FAM53B: variants seen among roughly 807,000 people sequenced by gnomAD.
The protein encoded by FAM53B is protein FAM53B.
A neutral mutation model predicts 32.7 loss-of-function variants in FAM53B; 12 were observed. The ratio of observed to expected loss-of-function variants is 0.37; its 90% CI spans 0.24 to 0.59. The LOEUF is 0.59. Among genes scored for constraint, FAM53B ranks in the 20% least tolerant of loss-of-function variants. The pLI is 0.72. For missense variants in FAM53B, 477 were observed against 577.7 expected (o/e 0.83, Z 1.79); for synonymous variants, 234 against 228.7 (o/e 1.02, Z -0.21).
intron 1 of FAM53B, among the ~76,000 whole-genome samples, chr10:124,709,211 T>C (rs1283863026): frequency 3.9e-5 from 6 of 152,244 alleles, no homozygotes; most frequent in Non-Finnish European, 5.9e-5. Context: ...CCTGGCTATA[T>C]GATGGCCCAT....
chr10:124,657,334 C>T (rs183560050), intron 4 of FAM53B, among the ~76,000 whole-genome samples: 2 of 151,878 alleles, frequency 1.3e-5, no homozygotes, highest in Non-Finnish European at 2.9e-5. Flanking sequence ...GCAACAAATT[C>T]GTATTTCTTG....
intron 4 of FAM53B, among the ~76,000 whole-genome samples, chr10:124,629,252 AC>A (rs2134037143): frequency 6.6e-6 from 1 of 152,108 alleles, no homozygotes; most frequent in East Asian, 1.9e-4. Context: ...TGTAGTGCCC[AC>A]ATGAGGCTTC....
At chr10:124,635,401 A>T (rs1199473686) in intron 4 of FAM53B, among the ~76,000 whole-genome samples, 1 of 152,246 alleles carries the variant, frequency 6.6e-6, no homozygotes, top group Non-Finnish European at 1.5e-5. Flanking sequence ...CAATTATTTT[A>T]AAAGGGCAAA....
intron 1 of FAM53B, among the ~76,000 whole-genome samples, chr10:124,741,762 G>A (rs1015777605): frequency 1.3e-5 from 2 of 152,336 alleles, no homozygotes; most frequent in Admixed American, 6.5e-5. Context: ...CCACCACGGT[G>A]ACAATAAGGT....
chr10:124,648,214 G>A (rs1949532079), intron 4 of FAM53B, among the ~76,000 whole-genome samples: 1 of 152,248 alleles, frequency 6.6e-6, no homozygotes, highest in African/African-American at 2.4e-5. Flanking sequence ...AAGGCTCTGG[G>A]AGCGTCTGTT....
chr10:124,671,091 G>C (rs1949704834), intron 4 of FAM53B: 1 of 441,728 alleles, frequency 2.3e-6, no homozygotes, highest in African/African-American at 2.0e-5. Flanking sequence ...CTGGGGGACA[G>C]AGGCAGCCGT....
rs144314650 is a variant in FAM53B at position 124,702,632 on chromosome 10, C to T, written c.78+4004G>A. 2.3e-3 allele frequency among the ~76,000 whole-genome samples: 352 copies of T among 152,262 alleles called. 3 individuals are homozygous for T. Among genetic ancestry groups the T allele is most frequent in the African/African-American group, 8.2e-3 (341 of 41,542 alleles). ...CAGCCCCTCCCTGGGCTCTCTGAGC[C>T]ACAGTTTCCTTCCTGTATAATGGGG... is the stretch of plus-strand genomic sequence containing the variant. On this transcript the variant is annotated intron_variant, in intron 2 of 4. Coordinates refer to ENST00000337318, the MANE Select transcript of FAM53B (RefSeq NM_014661.4).
intron 4 of FAM53B, among the ~76,000 whole-genome samples, chr10:124,680,723 A>G (rs982553645): frequency 6.6e-6 from 1 of 152,180 alleles, no homozygotes; most frequent in Non-Finnish European, 1.5e-5. Context: ...GTTTATATAA[A>G]TAAGTCCAGA....
intron 2 of FAM53B, among the ~76,000 whole-genome samples, chr10:124,698,302 C>T (rs540662543): frequency 6.6e-6 from 1 of 152,272 alleles, no homozygotes; most frequent in Non-Finnish European, 1.5e-5. Flanking sequence ...CACTGAAGCA[C>T]CCCGCGTGCT....
At chr10:124,714,502 T>G (rs1261641945) in intron 1 of FAM53B, among the ~76,000 whole-genome samples, 1 of 152,188 alleles carries the variant, frequency 6.6e-6, no homozygotes, top group East Asian at 1.9e-4. Context: ...GGCTCACGCC[T>G]GTAATCCCAG....
intron 4 of FAM53B, among the ~76,000 whole-genome samples, chr10:124,666,391 A>G (rs1266319506): frequency 1.3e-5 from 2 of 152,132 alleles, no homozygotes; most frequent in East Asian, 3.9e-4. Context: ...TCACTTCCAG[A>G]GTGCTGGTAG....
chr10:124,723,895 G>A lies in FAM53B; in HGVS notation c.-174-17008C>T, dbSNP rs374841271. Among the ~76,000 whole-genome samples the A allele has an allele frequency of 2.6e-5, 4 of 152,232 alleles. No homozygotes were observed. In the East Asian group the frequency reaches 7.7e-4, roughly 29 times the overall value. On this transcript the variant is annotated intron_variant, in intron 1 of 4. Transcript: ENST00000337318. ...AAACAAAAAGTATTTCTAGGTGACT[G>A]TAGTTGAACCGGCAAATCTCATGTA...
chr10:124,725,392 T>C (rs1289826374), intron 1 of FAM53B, among the ~76,000 whole-genome samples: 1 of 149,876 alleles, frequency 6.7e-6, no homozygotes, highest in Non-Finnish European at 1.5e-5. Flanking sequence ...CAGTTGATTC[T>C]GGACATGGTT....
At chr10:124,642,239 G>A (rs927279401) in intron 4 of FAM53B, among the ~76,000 whole-genome samples, 5 of 152,224 alleles carry the variant, frequency 3.3e-5, no homozygotes, top group African/African-American at 2.4e-5. Flanking sequence ...CGGGCAAGCT[G>A]CCATGCCAGC....
At chr10:124,723,355 G>A (rs10794178) in intron 1 of FAM53B, among the ~76,000 whole-genome samples, 50,828 of 152,162 alleles carry the variant, frequency 0.33, 8,783 homozygotes, top group Admixed American at 0.41. Flanking sequence ...GTTTCCGATA[G>A]CTATCAAAAT....
intron 1 of FAM53B, among the ~76,000 whole-genome samples, chr10:124,732,830 A>G (rs1950152913): frequency 7.1e-6 from 1 of 140,874 alleles, no homozygotes; most frequent in African/African-American, 2.6e-5. Context: ...ACTCCATCAC[A>G]AAAAAAAAAA....
intron 2 of FAM53B, chr10:124,703,842 A>C (rs913459735): frequency 6.6e-6 from 1 of 152,338 alleles, no homozygotes; most frequent in African/African-American, 2.4e-5. Flanking sequence ...CACATGGTAG[A>C]ATCCCTTCCA....
intron 1 of FAM53B, among the ~76,000 whole-genome samples, chr10:124,719,062 AGAAG>A (rs1203547502): frequency 6.6e-6 from 1 of 152,152 alleles, no homozygotes; most frequent in African/African-American, 2.4e-5. Context: ...AAAAAGAAGA[AGAAG>A]AAAGAAGGAA....
intron 1 of FAM53B, among the ~76,000 whole-genome samples, chr10:124,736,482 G>T (rs1950174908): frequency 6.6e-6 from 1 of 152,256 alleles, no homozygotes; most frequent in Admixed American, 6.5e-5. Context: ...CAGCTGCAGA[G>T]AACTTAGTCT....
Sources: gnomAD v4.1 joint callset for allele counts (sites outside exome capture counted in the v4.1 genomes callset) on GRCh38, gnomAD v4.1.1 for gene constraint, MANE v1.5 for transcripts, NCBI Gene and HGNC (gene_info 2026-07-23, HGNC 2026-07-21) for gene names.